The following WWTR1 variants were observed in gnomAD, a reference collection of about 807,000 sequenced individuals.
The protein encoded by WWTR1 is WW domain containing transcription regulator 1, also known as WW domain-containing transcription regulator protein 1.
WWTR1 carries 13 observed loss-of-function variants against 40.1 expected under a neutral mutation model. That is an observed-to-expected ratio of 0.32 (90% CI 0.21 to 0.52). WWTR1 has a LOEUF of 0.52. Ranked by LOEUF, WWTR1 falls within the 20% of genes least tolerant of loss-of-function variation. The probability of loss-of-function intolerance (pLI) is 0.97; values close to 1 mark genes in which losing one functional copy is unlikely to be tolerated. For synonymous variants in WWTR1, 230 were observed against 210.1 expected (o/e 1.09, Z -0.82); for missense variants, 436 against 523.1 (o/e 0.83, Z 1.63).
chr3:149,698,056 C>T (rs1447786791), intron 1 of WWTR1, among the ~76,000 whole-genome samples: 1 of 152,236 alleles, frequency 6.6e-6, no homozygotes, highest in Non-Finnish European at 1.5e-5. Context: ...CATGTGATTG[C>T]TCTCACAGGT....
intron 1 of WWTR1, among the ~76,000 whole-genome samples, chr3:149,695,487 G>A (rs903952579): frequency 9.2e-5 from 14 of 152,078 alleles, no homozygotes; most frequent in East Asian, 1.9e-4. Context: ...AGGGATGGGC[G>A]CAGTGGCTTA....
chr3:149,677,457 C>G (rs539442733), intron 1 of WWTR1, among the ~76,000 whole-genome samples: 35 of 152,236 alleles, frequency 2.3e-4, no homozygotes, highest in African/African-American at 5.8e-4. Context: ...CTTGGACTAC[C>G]TTTCATACAC....
At position 149,560,958 on chromosome 3, in the gene WWTR1, C is replaced by A. The variant is rs923004332; in HGVS notation, c.568+11906G>T. Among the ~76,000 whole-genome samples the A allele has an allele frequency of 5.0e-4, 18 of 36,052 alleles. No individual in the cohort carries two copies. The African/African-American group carries it at 5.9e-3, about 12-fold the overall frequency. The allele number at this position is 36,052 out of a possible 152,430, so 23.7% of individuals were successfully genotyped here. A position where few individuals can be genotyped will look rare whatever the true frequency, so the allele number is the denominator to read the frequency against. The stretch of plus-strand genomic sequence containing the variant: ...ATTATTTTTTAAAAGAAAGTAACAC[C>A]CCCCCCCGCAAAAAATCCCCTGCTC... On this transcript the variant is annotated intron_variant, in intron 3 of 6. Coordinates refer to ENST00000360632, the MANE Select transcript of WWTR1 (RefSeq NM_015472.6).
At chr3:149,623,717 A>C (rs974681799) in intron 2 of WWTR1, among the ~76,000 whole-genome samples, 1 of 152,210 alleles carries the variant, frequency 6.6e-6, no homozygotes, top group Non-Finnish European at 1.5e-5. Flanking sequence ...TTCAGGGCTA[A>C]TCATCCACTA....
rs1320225216 is a variant in WWTR1, at chr3:149,520,053, C to T, written c.*752G>A. 1.3e-5 allele frequency: 2 copies of T among 152,068 alleles called. No individual in the cohort carries two copies. The highest frequency in any genetic ancestry group is 4.8e-5 in the African/African-American group (2 of 41,438). The allele number at this position is 152,068 out of a possible 1,614,324, so 9.4% of individuals were successfully genotyped here. The stretch of plus-strand genomic sequence containing the variant: ...AAAACTTTTGTTTGAATAAAATGCT[C>T]ATAATTAGTACCAAACTGGTCTCTT... On this transcript the variant is annotated 3_prime_UTR_variant, in exon 7 of 7. Coordinates refer to ENST00000360632, the MANE Select transcript of WWTR1 (RefSeq NM_015472.6).
intron 2 of WWTR1, among the ~76,000 whole-genome samples, chr3:149,621,159 T>G (rs917867726): frequency 4.6e-5 from 7 of 152,242 alleles, no homozygotes; most frequent in Non-Finnish European, 1.5e-5. Flanking sequence ...ATACTAAATA[T>G]GGCATTTAAA....
At chr3:149,556,937 T>C (rs1296402498) in intron 3 of WWTR1, among the ~76,000 whole-genome samples, 2 of 152,106 alleles carry the variant, frequency 1.3e-5, no homozygotes, top group South Asian at 4.1e-4. Context: ...GCATATGTAG[T>C]ATACACTCAT....
chr3:149,540,128 T>G, intron 4 of WWTR1: 2 of 341,634 alleles, frequency 5.9e-6, no homozygotes, highest in East Asian at 9.4e-5. Context: ...ACACACAGAG[T>G]CAAGGCTGAA....
chr3:149,723,185 CTTTTT>C (rs35573546), intron 4 of WWTR1, among the ~76,000 whole-genome samples: 1 of 101,828 alleles, frequency 9.8e-6, no homozygotes, highest in East Asian at 2.7e-4. Context: ...CTTTTCTTTT[CTTTTT>C]TTTTTTTTTT....
At chr3:149,550,737 A>AT (rs1480901625) in intron 3 of WWTR1, among the ~76,000 whole-genome samples, 2,178 of 113,266 alleles carry the variant, frequency 0.019, 222 homozygotes, top group African/African-American at 0.029. Flanking sequence ...AAAACAAAAT[A>AT]CAGGAAAAGC....
intron 1 of WWTR1, among the ~76,000 whole-genome samples, chr3:149,675,516 G>T (rs1218785330): frequency 6.6e-6 from 1 of 152,108 alleles, no homozygotes; most frequent in Admixed American, 6.5e-5. Context: ...CCAGCCTCCT[G>T]ATTTTTGAAC....
intron 4 of WWTR1, among the ~76,000 whole-genome samples, chr3:149,532,710 G>A (rs553272385): frequency 3.3e-5 from 5 of 152,286 alleles, no homozygotes; most frequent in African/African-American, 1.2e-4. Flanking sequence ...GGAGGGTTTT[G>A]TTTTAAACTA....
chr3:149,708,325 C>A (rs1345112059), intron 5 of WWTR1, among the ~76,000 whole-genome samples: 2 of 152,036 alleles, frequency 1.3e-5, no homozygotes, highest in African/African-American at 4.8e-5. Flanking sequence ...GTAAAATATA[C>A]CTAATATAAC....
At chr3:149,690,582 C>T (rs1714791369) in intron 1 of WWTR1, among the ~76,000 whole-genome samples, 1 of 152,116 alleles carries the variant, frequency 6.6e-6, no homozygotes, top group Non-Finnish European at 1.5e-5. Context: ...TAAATATATA[C>T]ATGCACTCAA....
chr3:149,659,685 C>T (rs540105386), upstream of WWTR1: 33 of 152,180 alleles, frequency 2.2e-4, no homozygotes, highest in African/African-American at 7.9e-4. Context: ...AAATCTGGAG[C>T]TGCCTTGGAG....
chr3:149,622,539 A>G (rs567124191), intron 2 of WWTR1, among the ~76,000 whole-genome samples: 20 of 151,268 alleles, frequency 1.3e-4, no homozygotes, highest in African/African-American at 4.1e-4. Flanking sequence ...GAAAGAAAGA[A>G]AGAAAAAGAA....
At chr3:149,712,932 TACA>T (rs1352486699) in intron 5 of WWTR1, among the ~76,000 whole-genome samples, 1 of 152,238 alleles carries the variant, frequency 6.6e-6, no homozygotes, top group African/African-American at 2.4e-5. Context: ...CTCAGTCAGT[TACA>T]ACATTTGCTC....
At chr3:149,681,943 A>G (rs1714469474) in intron 1 of WWTR1, among the ~76,000 whole-genome samples, 1 of 152,206 alleles carries the variant, frequency 6.6e-6, no homozygotes, top group South Asian at 2.1e-4. Flanking sequence ...TGAGATGAAT[A>G]AGTTCTAGAA....
At chr3:149,663,271 G>A (rs550307135) in intron 2 of WWTR1, among the ~76,000 whole-genome samples, 1 of 151,992 alleles carries the variant, frequency 6.6e-6, no homozygotes, top group South Asian at 2.1e-4. Flanking sequence ...ACCCACCTCA[G>A]CCTCCCAAAG....
Sources: gnomAD v4.1 joint callset for allele counts (sites outside exome capture counted in the v4.1 genomes callset) on GRCh38, gnomAD v4.1.1 for gene constraint, MANE v1.5 for transcripts, NCBI Gene and HGNC (gene_info 2026-07-23, HGNC 2026-07-21) for gene names.